Variants in PRKCH observed in about 807,000 individuals in gnomAD.
PRKCH encodes protein kinase C eta type.
Under a neutral mutation model 82.5 loss-of-function variants are expected in PRKCH, and 28 were observed. That is an observed-to-expected ratio of 0.34 (90% CI 0.25 to 0.47). PRKCH has a LOEUF of 0.47. Ranked by LOEUF, PRKCH falls within the 20% of genes least tolerant of loss-of-function variation. The pLI is 1.00. For missense variants in PRKCH, 705 were observed against 881.8 expected (o/e 0.80, Z 2.54); for synonymous variants, 322 against 327.4 (o/e 0.98, Z 0.18).
intron 1 of PRKCH, among the ~76,000 whole-genome samples, chr14:61,197,247 T>C (rs2044447819): frequency 6.6e-6 from 1 of 152,242 alleles, no homozygotes; most frequent in Non-Finnish European, 1.5e-5. Context: ...TATTTTGCCA[T>C]GGGAATGTAA....
At chr14:61,209,106 C>T (rs2044549300) in intron 1 of PRKCH, among the ~76,000 whole-genome samples, 1 of 152,084 alleles carries the variant, frequency 6.6e-6, no homozygotes, top group South Asian at 2.1e-4. Context: ...TAAAACCCTC[C>T]TCTTGCTCTC....
At chr14:61,526,887 C>T (rs898793837) in intron 10 of PRKCH, among the ~76,000 whole-genome samples, 2 of 152,236 alleles carry the variant, frequency 1.3e-5, no homozygotes, top group African/African-American at 4.8e-5. Flanking sequence ...CCTGCAGCCT[C>T]CTTGTCACTG....
At chr14:61,418,011 G>A (rs552692718) in intron 2 of PRKCH, among the ~76,000 whole-genome samples, 3 of 152,304 alleles carry the variant, frequency 2.0e-5, no homozygotes, top group African/African-American at 7.2e-5. Flanking sequence ...TCAAAGGCCA[G>A]CTGTTTATTG....
intron 1 of PRKCH, among the ~76,000 whole-genome samples, chr14:61,300,859 C>A (rs1234174519): frequency 6.6e-6 from 1 of 152,078 alleles, no homozygotes; most frequent in Non-Finnish European, 1.5e-5. Flanking sequence ...TGGTAAAGAA[C>A]AGAAAACGTG....
intron 12 of PRKCH, among the ~76,000 whole-genome samples, chr14:61,545,790 CT>C (rs1174493473): frequency 6.6e-6 from 1 of 152,202 alleles, no homozygotes; most frequent in African/African-American, 2.4e-5. Flanking sequence ...CAGGCAAGGC[CT>C]CTTCCACAGT....
chr14:61,454,279 T>G (rs1263836727), intron 7 of PRKCH, among the ~76,000 whole-genome samples: 1 of 152,044 alleles, frequency 6.6e-6, no homozygotes, highest in Non-Finnish European at 1.5e-5. Flanking sequence ...GATTTTTGTA[T>G]TTTTAGTAAG....
In PRKCH at chr14:61,389,594, G is replaced by T. The variant is rs145846417; in HGVS notation, c.364-1631G>T. Among the ~76,000 whole-genome samples the T allele has an allele frequency of 5.3e-5, 8 of 152,132 alleles. No individual in the cohort carries two copies. The South Asian group carries it at 6.2e-4, about 12-fold the overall frequency. On this transcript the variant is annotated intron_variant, in intron 1 of 13. Transcript: ENST00000332981. ...CACATGCCTATAGTCCTAGCTACTT[G>T]GGAGGCTGAGGCAGGAGAATCGCTT...
intron 2 of PRKCH, among the ~76,000 whole-genome samples, chr14:61,431,082 G>T (rs1261534868): frequency 6.6e-6 from 1 of 152,230 alleles, no homozygotes; most frequent in Non-Finnish European, 1.5e-5. Context: ...AGGATCTCAG[G>T]CGTTGGATGA....
intron 1 of PRKCH, among the ~76,000 whole-genome samples, chr14:61,246,038 C>T (rs2044877936): frequency 6.6e-6 from 1 of 152,044 alleles, no homozygotes; most frequent in Non-Finnish European, 1.5e-5. Context: ...GGTCCTTCGC[C>T]CTCCCAAAGT....
intron 1 of PRKCH, among the ~76,000 whole-genome samples, chr14:61,219,250 A>G (rs1367381977): frequency 6.6e-6 from 1 of 152,260 alleles, no homozygotes; most frequent in Non-Finnish European, 1.5e-5. Context: ...GGGTTACCAG[A>G]TAAAACACAA....
At chr14:61,312,508 A>G (rs2045532898) in intron 1 of PRKCH, among the ~76,000 whole-genome samples, 1 of 152,238 alleles carries the variant, frequency 6.6e-6, no homozygotes, top group Non-Finnish European at 1.5e-5. Context: ...GAAGCTCTCC[A>G]TATTGGTCCA....
chr14:61,495,567 G>A (rs1372461838), intron 10 of PRKCH, among the ~76,000 whole-genome samples: 1 of 152,216 alleles, frequency 6.6e-6, no homozygotes, highest in Non-Finnish European at 1.5e-5. Flanking sequence ...AAATGTTTAT[G>A]AAAAGTCTAC....
chr14:61,225,900 C>A (rs112113458), intron 1 of PRKCH, among the ~76,000 whole-genome samples: 1 of 151,996 alleles, frequency 6.6e-6, no homozygotes, highest in Non-Finnish European at 1.5e-5. Context: ...CACCAACACT[C>A]GGCTAATTTT....
intron 4 of PRKCH, among the ~76,000 whole-genome samples, chr14:61,447,691 A>C (rs954850401): frequency 7.2e-5 from 11 of 152,226 alleles, no homozygotes; most frequent in African/African-American, 2.7e-4. Context: ...TCTAAGTAAC[A>C]CATGGGTCAA....
intron 10 of PRKCH, chr14:61,528,863 C>T (rs2043005871): frequency 2.5e-6 from 1 of 398,896 alleles, no homozygotes; most frequent in East Asian, 4.4e-5. Context: ...CATCTTGGAG[C>T]CATGAGGCAA....
intron 2 of PRKCH, among the ~76,000 whole-genome samples, chr14:61,441,393 T>A (rs1957894): frequency 6.6e-6 from 1 of 152,032 alleles, no homozygotes; most frequent in Non-Finnish European, 1.5e-5. Flanking sequence ...TTTATACTCC[T>A]ACTGACAGGA....
At chr14:61,322,917 T>A (rs1438106396) in intron 1 of PRKCH, 2 of 161,908 alleles carry the variant, frequency 1.2e-5, no homozygotes, top group Non-Finnish European at 2.7e-5. Flanking sequence ...TATGGATACA[T>A]GTTGGTTCAG....
chr14:61,280,784 GGTT>G lies in PRKCH; in HGVS notation c.-19+93120_-19+93122del. 1.3e-6 allele frequency: 2 copies of G among 1,555,472 alleles called. No homozygotes were observed. Among genetic ancestry groups the G allele is most frequent in the Non-Finnish European group, 8.6e-7 (1 of 1,159,720 alleles). Reference sequence around the variant, plus strand: ...TCGTCGCGGGACACGCCGTAGCGCCGGTTGTTCTGGTAGAAGTTGGTCAGCTCG... The same window carrying G: ...TCGTCGCGGGACACGCCGTAGCGCCGGTTCTGGTAGAAGTTGGTCAGCTCG... On this transcript the variant is annotated intron_variant, in intron 1 of 3. Coordinates refer to the PRKCH transcript ENST00000555185. The surrounding 1 kb of genome is among the most constrained non-coding windows in gnomAD (Gnocchi z 5.0).
intron 2 of PRKCH, among the ~76,000 whole-genome samples, chr14:61,400,619 T>A (rs1018148326): frequency 8.5e-5 from 13 of 152,340 alleles, no homozygotes; most frequent in Admixed American, 7.2e-4. Flanking sequence ...AATATCTAGC[T>A]CATTTGTTGA....
Sources: gnomAD v4.1 joint callset for allele counts (sites outside exome capture counted in the v4.1 genomes callset) on GRCh38, gnomAD v4.1.1 for gene constraint, Gnocchi (gnomAD v3.1) non-coding constraint, MANE v1.5 for transcripts, NCBI Gene and HGNC (gene_info 2026-07-23, HGNC 2026-07-21) for gene names.